Variants in PCDHA2 observed in about 807,000 individuals in gnomAD.
PCDHA2 encodes protocadherin alpha 2.
PCDHA2 carries 58 observed loss-of-function variants against 66.0 expected under a neutral mutation model. The ratio of observed to expected loss-of-function variants is 0.88; its 90% CI spans 0.71 to 1.09. The LOEUF is 1.09. Among genes scored for constraint, PCDHA2 ranks in the 50% least tolerant of loss-of-function variants. The pLI is 0.00. For missense variants in PCDHA2, 1,267 were observed against 1,242.3 expected, an observed-to-expected ratio of 1.02 and a Z score of -0.30; for synonymous variants, 634 against 554.0, an observed-to-expected ratio of 1.14 and a Z score of -2.03.
At chr5:140,857,293 G>A (rs1554149807) in intron 1 of PCDHA2, 1 of 1,598,774 alleles carries the variant, frequency 6.3e-7, no homozygotes, top group Admixed American at 1.7e-5. Flanking sequence ...TGGACCGCGA[G>A]AGGGTGTCGG....
chr5:140,882,608 C>T (rs748674238), intron 1 of PCDHA2: 20 of 1,614,132 alleles, frequency 1.2e-5, no homozygotes, highest in Non-Finnish European at 1.7e-5. Flanking sequence ...GGACAGGCCT[C>T]TGCAGGTTTT....
chr5:140,972,884 G>A (rs763416041), intron 1 of PCDHA2, among the ~76,000 whole-genome samples: 4 of 151,972 alleles, frequency 2.6e-5, no homozygotes, highest in African/African-American at 7.3e-5. Flanking sequence ...GGATGGTCTC[G>A]ATCTCTTGAC....
At chr5:140,881,321 T>C (rs1396829121) in intron 1 of PCDHA2, 1 of 983,920 alleles carries the variant, frequency 1.0e-6, no homozygotes, top group Non-Finnish European at 1.2e-6. Context: ...TTAAATTCTA[T>C]TTAACCAGGA....
intron 1 of PCDHA2, chr5:140,859,465 T>A: frequency 4.7e-6 from 1 of 214,084 alleles, no homozygotes; most frequent in Non-Finnish European, 9.1e-6. Flanking sequence ...AAAACTACAC[T>A]ATCAATTGTG....
intron 1 of PCDHA2, among the ~76,000 whole-genome samples, chr5:140,837,511 G>C: frequency 1.0e-5 from 1 of 96,668 alleles, no homozygotes; most frequent in Non-Finnish European, 2.1e-5. Context: ...TTCTGAAGCA[G>C]TTTACTTTTT....
chr5:140,968,597 G>T, intron 1 of PCDHA2: 1 of 1,614,176 alleles, frequency 6.2e-7, no homozygotes, highest in Non-Finnish European at 8.5e-7. Context: ...CATAGCTATG[G>T]ACTCAGACTC....
Position 140,797,142 on chromosome 5 carries a change from A to G in PCDHA2, c.2178A>G (p.Pro726=). The G allele has an allele frequency of 6.2e-7, 1 of 1,613,904 alleles. No homozygotes were observed. Among genetic ancestry groups the G allele is most frequent in the South Asian group, 1.1e-5 (1 of 91,078 alleles). ...ACACTGCGCTGCGGTGCTCGGTGCC[A>G]CCCACCGAGGGTGCGCGCGCGCCAG... The part of the protein sequence containing the change: ...LLYTALRCSV[P]PTEGARAPGK... Residue 726 remains proline (P), a synonymous_variant, in exon 1 of 4, where the codon CCA becomes CCG. Transcript: ENST00000526136.
intron 1 of PCDHA2, among the ~76,000 whole-genome samples, chr5:140,846,775 G>A (rs1476675003): frequency 6.7e-6 from 1 of 149,304 alleles, no homozygotes; most frequent in East Asian, 1.9e-4. Context: ...ATCATGTCAG[G>A]AATTATTACT....
intron 1 of PCDHA2, chr5:140,823,050 C>G: frequency 6.2e-7 from 1 of 1,614,184 alleles, no homozygotes; most frequent in Non-Finnish European, 8.5e-7. Context: ...TGGTGGTGAC[C>G]GCGCGGGACG....
intron 1 of PCDHA2, chr5:140,823,692 C>T (rs2150128224): frequency 2.5e-6 from 4 of 1,613,934 alleles, no homozygotes; most frequent in South Asian, 1.1e-5. Context: ...TGGATGAGAC[C>T]GAAGCACCGC....
chr5:140,823,646 G>A lies in PCDHA2; in HGVS notation c.2388+26294G>A, dbSNP rs149534551. 1.2e-4 allele frequency: 201 copies of A among 1,613,806 alleles called. No individual in the cohort carries two copies. In the African/African-American group the frequency reaches 2.2e-3, roughly 18 times the overall value. On this transcript the variant is annotated intron_variant, in intron 1 of 3. Coordinates refer to ENST00000526136, the MANE Select transcript of PCDHA2 (RefSeq NM_018905.3). ...AGTGCGCGCATCCCGTTCCGCGTGG[G>A]GCTGTACACAGGCGAGATCAGCACA...
At chr5:140,819,372 T>A (rs1481609844) in intron 1 of PCDHA2, among the ~76,000 whole-genome samples, 2 of 152,162 alleles carry the variant, frequency 1.3e-5, no homozygotes, top group Non-Finnish European at 2.9e-5. Flanking sequence ...CTTGTGTTAG[T>A]ATATTTCTAA....
chr5:140,982,420 G>A, intron 2 of PCDHA2, 55 bp from the exon 3 acceptor site: 1 of 1,611,062 alleles, frequency 6.2e-7, no homozygotes, highest in Non-Finnish European at 8.5e-7. Context: ...GGTGGAAGAA[G>A]AGATGGGAAA....
intron 1 of PCDHA2, chr5:140,882,740 T>A (rs1554175394): frequency 6.2e-7 from 1 of 1,614,198 alleles, no homozygotes; most frequent in African/African-American, 1.3e-5. Flanking sequence ...AGATGGCGCA[T>A]CCGATGCAGA....
intron 1 of PCDHA2, chr5:140,811,879 C>T (rs184579564): frequency 2.0e-5 from 3 of 151,982 alleles, no homozygotes; most frequent in African/African-American, 2.4e-5. Flanking sequence ...TGTTTAGGTT[C>T]TTTGTAGATT....
At position 140,850,278 on chromosome 5, in the gene PCDHA2, C is replaced by A. The variant is rs2150477296; in HGVS notation, c.2388+52926C>A. On this transcript the variant is annotated intron_variant, in intron 1 of 3. Transcript: ENST00000526136. ...CGCCGGCGTAGTGGTGGGGAAGGTG[C>A]GCGCAGTGGACGCCGACTCGGGCTA... is the stretch of plus-strand genomic sequence containing the variant. 5 of 1,595,340 alleles carry A rather than the reference C, an allele frequency of 3.1e-6. 1 individual carries two copies. Among genetic ancestry groups the A allele is most frequent in the South Asian group, 1.1e-5 (1 of 90,456 alleles).
At chr5:140,804,931 C>G in intron 1 of PCDHA2, 1 of 1,113,638 alleles carries the variant, frequency 9.0e-7, no homozygotes, top group Non-Finnish European at 1.2e-6. Flanking sequence ...TTGGCACTAT[C>G]CTTTGTTGCT....
chr5:140,829,771 C>A, intron 1 of PCDHA2: 5 of 1,613,808 alleles, frequency 3.1e-6, no homozygotes, highest in Middle Eastern at 1.7e-4. Context: ...ACGAGAACGA[C>A]AACGCGCCGG....
rs782455687 is a variant in PCDHA2, at chr5:140,801,649, G to C, written c.2388+4297G>C. ...TCCGAATCCCGACAGCCTGGCTCTCGGTTTTCGCTAGAGGGCGCATCAGAT... is the reference window on the plus strand; with the variant it reads ...TCCGAATCCCGACAGCCTGGCTCTCCGTTTTCGCTAGAGGGCGCATCAGAT... On this transcript the variant is annotated intron_variant, in intron 1 of 3. Coordinates refer to ENST00000526136, the MANE Select transcript of PCDHA2 (RefSeq NM_018905.3). 3.1e-6 allele frequency: 5 copies of C among 1,614,130 alleles called. No homozygotes were observed. The South Asian group carries it at 5.5e-5, about 18-fold the overall frequency.
Sources: allele counts gnomAD v4.1 joint callset (sites outside exome capture counted in the v4.1 genomes callset), GRCh38; gene constraint gnomAD v4.1.1; transcripts MANE v1.5; gene names NCBI Gene and HGNC (gene_info 2026-07-23, HGNC 2026-07-21).